SDK1: variants seen among roughly 807,000 people sequenced by gnomAD.
The protein encoded by SDK1 is protein sidekick-1.
Under a neutral mutation model 245.5 loss-of-function variants are expected in SDK1, and 157 were observed. That is an observed-to-expected ratio of 0.64 (90% confidence interval 0.56 to 0.73). The LOEUF is 0.73. Among genes scored for constraint, SDK1 ranks in the 30% least tolerant of loss-of-function variants. The pLI is 0.00. For synonymous variants in SDK1, 1,647 were observed against 1,278.5 expected, an observed-to-expected ratio of 1.29 and a Z score of -6.15; for missense variants, 3,583 against 3,002.3, an observed-to-expected ratio of 1.19 and a Z score of -4.52.
chr7:3,608,341 G>T (rs1781487536), intron 1 of SDK1, among the ~76,000 whole-genome samples: 1 of 152,172 alleles, frequency 6.6e-6, no homozygotes. Flanking sequence ...AGTTGAACTG[G>T]CTGCTTTTTT....
chr7:3,561,812 G>C (rs1284484617), intron 1 of SDK1, among the ~76,000 whole-genome samples: 1 of 152,150 alleles, frequency 6.6e-6, no homozygotes, highest in Non-Finnish European at 1.5e-5. Context: ...TCTGAATCTG[G>C]ATTTAAACAA....
chr7:3,773,659 A>G (rs1465722456), intron 4 of SDK1, among the ~76,000 whole-genome samples: 2 of 152,162 alleles, frequency 1.3e-5, no homozygotes, highest in African/African-American at 4.8e-5. Flanking sequence ...ATGAGGTAAT[A>G]TGGAAATCAG....
intron 4 of SDK1, among the ~76,000 whole-genome samples, chr7:3,718,563 ATAAATAAATAAATAAATAAATAAATATC>A (rs1785271634): frequency 1.4e-5 from 2 of 138,782 alleles, no homozygotes; most frequent in South Asian, 4.3e-4. Flanking sequence ...AAATAAATAA[ATAAATAAATAAATAAATAAATAAATATC>A]TAACACTCAT....
In SDK1 at chr7:3,369,261, G is replaced by C. The variant is rs113712995; in HGVS notation, c.298+67377G>C. Among the ~76,000 whole-genome samples, 520 of 152,166 alleles carry C rather than the reference G, an allele frequency of 3.4e-3. 4 individuals carry two copies. The highest frequency in any genetic ancestry group is 0.012 in the African/African-American group (480 of 41,516). ...GGGTTTCACCATGTTGGCGAGGCTG[G>C]TCTCAAACTCCTTAAGCAGTCCACC... On this transcript the variant is annotated intron_variant, in intron 1 of 44. Transcript: ENST00000404826.
At chr7:4,045,424 T>G (rs1370461754) in intron 17 of SDK1, among the ~76,000 whole-genome samples, 1 of 151,946 alleles carries the variant, frequency 6.6e-6, no homozygotes, top group East Asian at 1.9e-4. Context: ...TTGATTTTTT[T>G]TTGTAGGGAC....
rs192134584 is a variant in SDK1 at position 3,879,890 on chromosome 7, A to G, written c.847+58307A>G. Among the ~76,000 whole-genome samples, 10 of 152,194 alleles carry G rather than the reference A, an allele frequency of 6.6e-5. No homozygotes were observed. The East Asian group carries it at 1.9e-3, about 29-fold the overall frequency. ...AGCTGATGCATGGAGCTGATACCAT[A>G]TCTGTCTGTGGCAGGCGGCGTATGC... On this transcript the variant is annotated intron_variant, in intron 5 of 44. Coordinates refer to ENST00000404826, the MANE Select transcript of SDK1 (RefSeq NM_152744.4).
chr7:3,693,049 TATA>T (rs779518669), intron 4 of SDK1, among the ~76,000 whole-genome samples: 43 of 152,166 alleles, frequency 2.8e-4, no homozygotes, highest in Admixed American at 2.4e-3. Flanking sequence ...ATTTTAGACA[TATA>T]ATAAAATTTT....
chr7:4,256,549 A>G (rs1429280994), intron 44 of SDK1, among the ~76,000 whole-genome samples: 6 of 152,238 alleles, frequency 3.9e-5, no homozygotes, highest in Non-Finnish European at 7.3e-5. Flanking sequence ...TAGGACTATC[A>G]AAAAAGTGGC....
intron 14 of SDK1, among the ~76,000 whole-genome samples, chr7:3,998,995 C>A (rs1477483910): frequency 6.6e-6 from 1 of 152,176 alleles, no homozygotes; most frequent in Non-Finnish European, 1.5e-5. Context: ...CATCTCTTTG[C>A]ATTCTTCTCC....
chr7:4,015,392 G>T (rs568122649), intron 16 of SDK1, among the ~76,000 whole-genome samples: 2 of 152,314 alleles, frequency 1.3e-5, no homozygotes, highest in African/African-American at 2.4e-5. Flanking sequence ...GCATGCCCAG[G>T]CTACTCAGGT....
At chr7:4,246,473 C>T (rs912740083) in intron 44 of SDK1, among the ~76,000 whole-genome samples, 5 of 152,080 alleles carry the variant, frequency 3.3e-5, no homozygotes, top group African/African-American at 1.2e-4. Context: ...GGTCTGTAGA[C>T]CCCAGTTAGG....
intron 19 of SDK1, among the ~76,000 whole-genome samples, chr7:4,054,905 A>T (rs1055111115): frequency 6.6e-6 from 1 of 152,158 alleles, no homozygotes; most frequent in Admixed American, 6.5e-5. Flanking sequence ...GATTACATTG[A>T]CTGATTTGCA....
At chr7:3,379,720 T>C (rs1781438510) in intron 1 of SDK1, among the ~76,000 whole-genome samples, 1 of 152,220 alleles carries the variant, frequency 6.6e-6, no homozygotes, top group African/African-American at 2.4e-5. Flanking sequence ...AGCATGAATT[T>C]ATGTACTGTA....
At chr7:3,415,421 TAAA>T (rs1226511545) in intron 1 of SDK1, among the ~76,000 whole-genome samples, 3 of 151,808 alleles carry the variant, frequency 2.0e-5, no homozygotes, top group South Asian at 2.1e-4. Flanking sequence ...CAGAGGTAGA[TAAA>T]AAACAATGAG....
At chr7:3,817,101 T>C (rs891824043) in intron 4 of SDK1, among the ~76,000 whole-genome samples, 2 of 152,192 alleles carry the variant, frequency 1.3e-5, no homozygotes, top group African/African-American at 4.8e-5. Context: ...TAGTTTGTGG[T>C]AAGTGTTAAA....
At chr7:3,966,116 C>A (rs544224168) in intron 9 of SDK1, among the ~76,000 whole-genome samples, 1 of 152,018 alleles carries the variant, frequency 6.6e-6, no homozygotes, top group African/African-American at 2.4e-5. Flanking sequence ...GACCCTGACA[C>A]AGGCACAGAA....
rs201396862 is a variant in SDK1, at chr7:4,232,407, C to CTTTTTTTT, written c.5828-845_5828-844insTTTTTTTT. ...TTCTTTTTTTCTTTTCTTTTCTTTT[C>CTTTTTTTT]TTTCTTTTTTTTTTTTTTTTGTTAT... On this transcript the variant is annotated intron_variant, in intron 40 of 44. Transcript: ENST00000404826. 5.0e-3 allele frequency among the ~76,000 whole-genome samples: 367 copies of CTTTTTTTT among 73,024 alleles called. 3 individuals are homozygous for CTTTTTTTT. The highest frequency in any genetic ancestry group is 8.8e-3 in the Middle Eastern group (1 of 114). 47.9% of individuals were successfully genotyped at this position (73,024 alleles called of 152,430 possible).
chr7:3,719,138 C>A (rs377157804), intron 4 of SDK1, among the ~76,000 whole-genome samples: 26 of 151,556 alleles, frequency 1.7e-4, no homozygotes, highest in East Asian at 7.8e-4. Context: ...GGGGATAAAT[C>A]TAACAAGAAT....
intron 5 of SDK1, among the ~76,000 whole-genome samples, chr7:3,903,539 C>T (rs192083728): frequency 3.0e-4 from 45 of 152,248 alleles, no homozygotes; most frequent in Admixed American, 1.7e-3. Flanking sequence ...TAAAAGGGTA[C>T]AGCTGCTGTG....
Sources: allele counts gnomAD v4.1 joint callset (sites outside exome capture counted in the v4.1 genomes callset), GRCh38; gene constraint gnomAD v4.1.1; transcripts MANE v1.5; gene names NCBI Gene and HGNC (gene_info 2026-07-23, HGNC 2026-07-21).